PLCB1: variants seen among roughly 807,000 people sequenced by gnomAD.
The protein encoded by PLCB1 is 1-phosphatidylinositol 4,5-bisphosphate phosphodiesterase beta-1.
In PLCB1, 46 loss-of-function variants were observed where a neutral mutation model predicts 161.8. The ratio of observed to expected loss-of-function variants is 0.28; its 90% confidence interval spans 0.22 to 0.36. PLCB1 has a LOEUF of 0.36. PLCB1 is among the 10% of genes least tolerant of loss of function. The pLI is 1.00. For missense variants in PLCB1, 1,016 were observed against 1,472.5 expected (o/e 0.69, Z 5.07); for synonymous variants, 517 against 503.7 (o/e 1.03, Z -0.35).
At chr20:8,487,204 T>C (rs989106060) in intron 3 of PLCB1, among the ~76,000 whole-genome samples, 43 of 152,340 alleles carry the variant, frequency 2.8e-4, no homozygotes, top group African/African-American at 7.9e-4. Flanking sequence ...TATTCTCAGG[T>C]TATTTTTTCC....
At chr20:8,270,063 A>G (rs930979058) in intron 2 of PLCB1, among the ~76,000 whole-genome samples, 4 of 152,124 alleles carry the variant, frequency 2.6e-5, no homozygotes, top group African/African-American at 9.7e-5. Context: ...TAAATTGAAA[A>G]TAATACTTTT....
chr20:8,327,785 A>T (rs1471991382), intron 2 of PLCB1, among the ~76,000 whole-genome samples: 2 of 152,122 alleles, frequency 1.3e-5, no homozygotes, highest in Non-Finnish European at 2.9e-5. Flanking sequence ...TATTTCTCAC[A>T]TTGTTGAAAA....
intron 2 of PLCB1, among the ~76,000 whole-genome samples, chr20:8,343,508 C>G (rs1985887662): frequency 6.6e-6 from 1 of 152,202 alleles, no homozygotes; most frequent in Non-Finnish European, 1.5e-5. Context: ...TGACTTCTCT[C>G]TGTCACCTGT....
chr20:8,496,563 C>T (rs544664302), intron 3 of PLCB1, among the ~76,000 whole-genome samples: 1 of 152,254 alleles, frequency 6.6e-6, no homozygotes, highest in South Asian at 2.1e-4. Flanking sequence ...CTCTTTTTCT[C>T]ATGGGCCCCT....
intron 2 of PLCB1, among the ~76,000 whole-genome samples, chr20:8,343,641 G>A (rs113634879): frequency 3.3e-5 from 5 of 152,184 alleles, no homozygotes; most frequent in African/African-American, 1.2e-4. Flanking sequence ...AGGCTTCTTG[G>A]CATGCTGTAA....
chr20:8,292,920 G>A (rs992793973), intron 2 of PLCB1, among the ~76,000 whole-genome samples: 1 of 152,128 alleles, frequency 6.6e-6, no homozygotes, highest in African/African-American at 2.4e-5. Flanking sequence ...TACCCAGAAC[G>A]TAGCACATAG....
intron 12 of PLCB1, among the ~76,000 whole-genome samples, chr20:8,711,537 A>G (rs1020957722): frequency 6.6e-6 from 1 of 152,238 alleles, no homozygotes; most frequent in Non-Finnish European, 1.5e-5. Context: ...CCAGGATGCC[A>G]TGATTGTGTC....
At position 8,143,735 on chromosome 20, in the gene PLCB1, A is replaced by G. The variant is rs570085550; in HGVS notation, c.100-6559A>G. 3.3e-5 allele frequency among the ~76,000 whole-genome samples: 5 copies of G among 152,334 alleles called. No individual in the cohort carries two copies. In the East Asian group the frequency reaches 9.7e-4, roughly 29 times the overall value. ...ACACAAGATTTTGAAGGAGAGAAGC[A>G]GAATTAGCACAGGAGAGTGTGGCTC... On this transcript the variant is annotated intron_variant, in intron 1 of 31. Transcript: ENST00000338037.
intron 2 of PLCB1, among the ~76,000 whole-genome samples, chr20:8,236,537 TATTA>T (rs1030095071): frequency 2.0e-5 from 3 of 151,854 alleles, no homozygotes; most frequent in African/African-American, 7.2e-5. Flanking sequence ...CATCTCAAAA[TATTA>T]ATTAATTAAT....
At chr20:8,586,017 C>T (rs1986976678) in intron 3 of PLCB1, among the ~76,000 whole-genome samples, 1 of 152,188 alleles carries the variant, frequency 6.6e-6, no homozygotes, top group Non-Finnish European at 1.5e-5. Context: ...CTCATTACCC[C>T]AGATTCAATA....
chr20:8,233,616 A>C (rs1980179689), intron 2 of PLCB1, among the ~76,000 whole-genome samples: 1 of 152,146 alleles, frequency 6.6e-6, no homozygotes. Flanking sequence ...GAGTTTTTAC[A>C]AGATGAGCAC....
In PLCB1 at chr20:8,646,137, CCTG is replaced by C; in HGVS notation, c.424_426del (p.Leu142del). 1 of 1,613,642 alleles carries C rather than the reference CCTG, an allele frequency of 6.2e-7. No homozygotes were observed. The highest frequency in any genetic ancestry group is 8.5e-7 in the Non-Finnish European group (1 of 1,179,588). On this transcript the variant is annotated inframe_deletion, in exon 5 of 32. Transcript: ENST00000338037. The stretch of plus-strand genomic sequence containing the variant: ...ATGAGGTTTTCAGTTTGGCAACAAA[CCTG>C]CTGGCCCAAAACATGTCCAGGGATG...
intron 7 of PLCB1, chr20:8,653,111 C>T (rs1437038568): frequency 2.6e-5 from 4 of 152,084 alleles, no homozygotes; most frequent in African/African-American, 9.7e-5. Flanking sequence ...AGTCTTGCCA[C>T]AGCACTGGCA....
At chr20:8,179,862 T>G (rs1457240041) in intron 2 of PLCB1, among the ~76,000 whole-genome samples, 1 of 87,174 alleles carries the variant, frequency 1.1e-5, no homozygotes, top group Admixed American at 9.7e-5. Context: ...TTTTTTTTTT[T>G]TTTTTTTTTT....
chr20:8,275,632 T>C (rs1239309859), intron 2 of PLCB1, among the ~76,000 whole-genome samples: 1 of 152,208 alleles, frequency 6.6e-6, no homozygotes, highest in Non-Finnish European at 1.5e-5. Context: ...ATGTTCTTGT[T>C]TTATTTTGTT....
At chr20:8,417,647 G>A (rs1979362187) in intron 3 of PLCB1, among the ~76,000 whole-genome samples, 2 of 152,096 alleles carry the variant, frequency 1.3e-5, no homozygotes, top group South Asian at 4.1e-4. Context: ...TAATAAAAGT[G>A]CCCATGAAAT....
intron 2 of PLCB1, among the ~76,000 whole-genome samples, chr20:8,334,073 G>A (rs912876190): frequency 1.3e-5 from 2 of 152,168 alleles, no homozygotes; most frequent in East Asian, 3.9e-4. Flanking sequence ...GCCGGGTGTG[G>A]TGGTGCATGC....
intron 2 of PLCB1, among the ~76,000 whole-genome samples, chr20:8,328,929 G>T (rs1326722106): frequency 3.9e-5 from 6 of 152,108 alleles, no homozygotes; most frequent in Admixed American, 2.0e-4. Flanking sequence ...ACAGAGTCAG[G>T]GAAAAGCTAT....
chr20:8,557,581 G>A (rs1266289764), intron 3 of PLCB1, among the ~76,000 whole-genome samples: 1 of 151,926 alleles, frequency 6.6e-6, no homozygotes, highest in Non-Finnish European at 1.5e-5. Flanking sequence ...CAGAGTTTCA[G>A]CTTTGGAAGA....
Sources: allele counts gnomAD v4.1 joint callset (sites outside exome capture counted in the v4.1 genomes callset), GRCh38; gene constraint gnomAD v4.1.1; transcripts MANE v1.5; gene names NCBI Gene and HGNC (gene_info 2026-07-23, HGNC 2026-07-21).